The following PPFIA2 variants were observed in gnomAD, a reference collection of about 807,000 sequenced individuals.
PPFIA2 encodes the protein PPFI scaffold protein A2, also known as liprin-alpha-2.
Under a neutral mutation model 175.5 loss-of-function variants are expected in PPFIA2, and 46 were observed. The observed-to-expected ratio is 0.26, with a 90% CI of 0.21 to 0.34. The LOEUF (loss-of-function observed/expected upper bound fraction) is 0.34, where lower values mean the gene tolerates loss of function less well. PPFIA2 is among the 10% of genes least tolerant of loss of function. PPFIA2 has a pLI of 1.00. For synonymous variants in PPFIA2, 568 were observed against 511.4 expected, an observed-to-expected ratio of 1.11 and a Z score of -1.49; for missense variants, 1,179 against 1,506.1, an observed-to-expected ratio of 0.78 and a Z score of 3.60.
intron 3 of PPFIA2, among the ~76,000 whole-genome samples, chr12:81,699,826 A>G (rs1431629914): frequency 6.6e-6 from 1 of 152,070 alleles, no homozygotes. Flanking sequence ...AGAGTAATAC[A>G]CATTTATCTT....
chr12:81,689,898 G>A (rs1472691433), intron 3 of PPFIA2, among the ~76,000 whole-genome samples: 2 of 152,076 alleles, frequency 1.3e-5, no homozygotes, highest in East Asian at 3.9e-4. Flanking sequence ...TAGTGCAGTG[G>A]CAAAGTCTGG....
chr12:81,336,234 A>C (rs1319523327), intron 21 of PPFIA2, among the ~76,000 whole-genome samples: 1 of 152,230 alleles, frequency 6.6e-6, no homozygotes, highest in Non-Finnish European at 1.5e-5. Flanking sequence ...AGGATGTCAT[A>C]AGAAAATTTT....
At chr12:81,629,298 T>C (rs1036287223) in intron 4 of PPFIA2, among the ~76,000 whole-genome samples, 3 of 152,188 alleles carry the variant, frequency 2.0e-5, no homozygotes, top group Admixed American at 6.5e-5. Flanking sequence ...TCATTTAAAA[T>C]ACATTTTTGG....
intron 17 of PPFIA2, among the ~76,000 whole-genome samples, chr12:81,349,024 T>C (rs2059563991): frequency 6.6e-6 from 1 of 152,212 alleles, no homozygotes; most frequent in Non-Finnish European, 1.5e-5. Flanking sequence ...GTAATTTATT[T>C]GCTAAATTTA....
chr12:81,277,886 A>T (rs1020566629), intron 27 of PPFIA2, among the ~76,000 whole-genome samples: 1 of 152,216 alleles, frequency 6.6e-6, no homozygotes, highest in African/African-American at 2.4e-5. Context: ...TGAGTAGCTC[A>T]TAACTCTAAA....
At chr12:81,460,409 AC>A (rs2054319879) in intron 4 of PPFIA2, among the ~76,000 whole-genome samples, 1 of 152,042 alleles carries the variant, frequency 6.6e-6, no homozygotes, top group South Asian at 2.1e-4. Flanking sequence ...TTTATAAATT[AC>A]CCAGTCTCGG....
intron 3 of PPFIA2, among the ~76,000 whole-genome samples, chr12:81,710,708 T>C (rs1377660993): frequency 6.6e-6 from 1 of 151,694 alleles, no homozygotes; most frequent in Non-Finnish European, 1.5e-5. Flanking sequence ...GATATTTTCA[T>C]ATAATATTTT....
At chr12:81,665,800 A>C (rs1422448929) in intron 4 of PPFIA2, among the ~76,000 whole-genome samples, 2 of 152,130 alleles carry the variant, frequency 1.3e-5, no homozygotes, top group Admixed American at 6.6e-5. Context: ...TGCACAGCAA[A>C]AGAAACTACC....
At chr12:81,279,856 C>A (rs190678533) in intron 27 of PPFIA2, among the ~76,000 whole-genome samples, 14 of 152,250 alleles carry the variant, frequency 9.2e-5, no homozygotes, top group Non-Finnish European at 1.5e-4. Flanking sequence ...CACTACAAGG[C>A]AGCTGAGAGT....
At chr12:81,684,577 G>A (rs1377604288) in intron 3 of PPFIA2, among the ~76,000 whole-genome samples, 1 of 152,056 alleles carries the variant, frequency 6.6e-6, no homozygotes, top group Non-Finnish European at 1.5e-5. Context: ...TCTTATTTTT[G>A]TATAACTGTA....
chr12:81,496,343 G>T (rs189953678), intron 4 of PPFIA2, among the ~76,000 whole-genome samples: 76 of 152,214 alleles, frequency 5.0e-4, no homozygotes, highest in Non-Finnish European at 9.7e-4. Context: ...TAAAGAAGAA[G>T]AATATTTTTG....
chr12:81,311,750 AAAG>A (rs539736772), intron 22 of PPFIA2, among the ~76,000 whole-genome samples: 30,737 of 121,410 alleles, frequency 0.25, 3,745 homozygotes, highest in East Asian at 0.4. Context: ...AAAAAAAAAA[AAAG>A]AAAGAAAGAA....
chr12:81,386,553 T>C (rs978548429), intron 8 of PPFIA2, among the ~76,000 whole-genome samples: 3 of 151,406 alleles, frequency 2.0e-5, no homozygotes, highest in African/African-American at 4.9e-5. Context: ...GCCCAGAAGG[T>C]CCAGGTTGTA....
At chr12:81,273,815 C>G (rs2039798610) in intron 28 of PPFIA2, among the ~76,000 whole-genome samples, 1 of 152,050 alleles carries the variant, frequency 6.6e-6, no homozygotes, top group African/African-American at 2.4e-5. Context: ...CCATTCAAAG[C>G]AGAATGAATT....
intron 3 of PPFIA2, among the ~76,000 whole-genome samples, chr12:81,706,853 C>T (rs939328384): frequency 6.6e-6 from 1 of 152,134 alleles, no homozygotes; most frequent in African/African-American, 2.4e-5. Flanking sequence ...ACAGAGCCCT[C>T]AGAAATAACA....
chr12:81,753,102 T>C (rs1368793085), intron 3 of PPFIA2, among the ~76,000 whole-genome samples: 2 of 151,970 alleles, frequency 1.3e-5, no homozygotes, highest in Admixed American at 1.3e-4. Context: ...ACCCAGCTAA[T>C]TTTTTGTATT....
At chr12:81,494,351 C>A (rs909672937) in intron 4 of PPFIA2, among the ~76,000 whole-genome samples, 2 of 152,092 alleles carry the variant, frequency 1.3e-5, no homozygotes, top group Non-Finnish European at 2.9e-5. Flanking sequence ...AAATGCTCAC[C>A]ATCACTGGCC....
chr12:81,289,934 G>T (rs1377400295), intron 24 of PPFIA2, among the ~76,000 whole-genome samples: 2 of 151,710 alleles, frequency 1.3e-5, no homozygotes, highest in Admixed American at 6.6e-5. Flanking sequence ...TTGGAGAAAA[G>T]AAACAGAAAG....
chr12:81,655,421 T>C (rs1470799637), intron 4 of PPFIA2, among the ~76,000 whole-genome samples: 2 of 151,686 alleles, frequency 1.3e-5, no homozygotes, highest in Non-Finnish European at 2.9e-5. Flanking sequence ...TTCTAATACA[T>C]ATTTTTAAAA....
Sources: allele counts gnomAD v4.1 joint callset (sites outside exome capture counted in the v4.1 genomes callset), GRCh38; gene constraint gnomAD v4.1.1; transcripts MANE v1.5; gene names NCBI Gene and HGNC (gene_info 2026-07-23, HGNC 2026-07-21).